The following GIGYF2 variants were observed in gnomAD, a reference collection of about 807,000 sequenced individuals.
The protein encoded by GIGYF2 is GRB10 interacting GYF protein 2.
In GIGYF2, 25 loss-of-function variants were observed where a neutral mutation model predicts 208.1. That is an observed-to-expected ratio of 0.12 (90% CI 0.09 to 0.17). The LOEUF (loss-of-function observed/expected upper bound fraction) is 0.17. Among genes scored for constraint, GIGYF2 ranks in the 10% least tolerant of loss-of-function variants. GIGYF2 has a pLI of 1.00. For missense variants in GIGYF2, 1,302 were observed against 1,579.4 expected, an observed-to-expected ratio of 0.82 and a Z score of 2.98; for synonymous variants, 534 against 543.8, an observed-to-expected ratio of 0.98 and a Z score of 0.25.
At chr2:232,823,332 C>G (rs888527606) in intron 21 of GIGYF2, among the ~76,000 whole-genome samples, 3 of 148,574 alleles carry the variant, frequency 2.0e-5, no homozygotes, top group Admixed American at 2.0e-4. Flanking sequence ...AGAGATAGGT[C>G]TACAATTTTC....
At chr2:232,753,391 TG>T (rs1382817063) in intron 5 of GIGYF2, among the ~76,000 whole-genome samples, 1 of 152,194 alleles carries the variant, frequency 6.6e-6, no homozygotes, top group Non-Finnish European at 1.5e-5. Flanking sequence ...CCCAAAGTGA[TG>T]GGATTACAGG....
At chr2:232,744,546 C>CA (rs1553608263) in intron 3 of GIGYF2, among the ~76,000 whole-genome samples, 2 of 142,800 alleles carry the variant, frequency 1.4e-5, no homozygotes, top group African/African-American at 5.1e-5. Context: ...TTCTTTCTTT[C>CA]TTTTTTTTTT....
At chr2:232,779,861 T>C (rs1574874960) in intron 8 of GIGYF2, among the ~76,000 whole-genome samples, 1 of 152,220 alleles carries the variant, frequency 6.6e-6, no homozygotes, top group African/African-American at 2.4e-5. Flanking sequence ...GAGTTTTGTT[T>C]ATAAGTAATT....
intron 3 of GIGYF2, chr2:232,736,520 C>G (rs1697739708): frequency 6.6e-6 from 1 of 151,970 alleles, no homozygotes. Flanking sequence ...TTTTTTTAAT[C>G]AATAAATATT....
intron 2 of GIGYF2, among the ~76,000 whole-genome samples, chr2:232,727,963 T>TA (rs374105896): frequency 1.9e-3 from 296 of 152,318 alleles, no homozygotes; most frequent in African/African-American, 6.8e-3. Flanking sequence ...ATTTGAAAAA[T>TA]ACCCGCAACA....
At chr2:232,816,573 A>G (rs148437584) in intron 19 of GIGYF2, among the ~76,000 whole-genome samples, 154 of 152,320 alleles carry the variant, frequency 1.0e-3, no homozygotes, top group African/African-American at 3.6e-3. Flanking sequence ...AGTGCATTCA[A>G]TTGAGACAGT....
Position 232,794,816 on chromosome 2 carries a change from C to G in GIGYF2, c.1351C>G (p.Leu451Val), listed in dbSNP as rs758701002. The G allele has an allele frequency of 1.9e-6, 3 of 1,613,830 alleles. No homozygotes were observed. The South Asian group carries it at 3.3e-5, about 18-fold the overall frequency. The stretch of plus-strand genomic sequence containing the variant: ...AGATACAGCCTCTCCTCTTCTCATA[C>G]TTCCACCTCCTGTTCCCAATCCTAG... ...PSDTASPLLI[L>V]PPPVPNPSPT... Residue 451 changes from leucine to valine, a missense_variant, in exon 13 of 29, where the codon CTT (leucine) becomes GTT (valine). Leu to Val is a conservative substitution (Grantham distance 32). Around this residue, in one of 8 missense-constraint regions of GIGYF2, gnomAD observed 235 missense variants for 218.8 expected, o/e 1.07. Transcript: ENST00000373563.
chr2:232,748,992 T>A lies in GIGYF2; in HGVS notation c.177T>A (p.Pro59=), dbSNP rs924924038. 9.1e-6 allele frequency: 14 copies of A among 1,537,258 alleles called. 1 individual carries two copies. The Admixed American group carries it at 1.8e-4, about 20-fold the overall frequency. The change falls in exon 5 of 29, where the codon CCT becomes CCA. Residue 59 remains proline (P), a synonymous_variant. Transcript: ENST00000373563. ...LALFLKDNKI[P]SDLLDKEFLP... ...TCATGTGTTTGGTCCTACAGATACC[T>A]TCAGACCTTCTGGATAAAGAATTTC...
chr2:232,779,499 T>C (rs140959751), intron 8 of GIGYF2, among the ~76,000 whole-genome samples: 5 of 152,344 alleles, frequency 3.3e-5, no homozygotes, highest in Non-Finnish European at 7.3e-5. Context: ...TTTAAAACGT[T>C]AGCTCTGGTC....
At chr2:232,835,980 T>C (rs1701576383) in intron 22 of GIGYF2, among the ~76,000 whole-genome samples, 1 of 151,794 alleles carries the variant, frequency 6.6e-6, no homozygotes, top group Non-Finnish European at 1.5e-5. Flanking sequence ...GAGAATTATA[T>C]CCAAACAGCA....
intron 14 of GIGYF2, among the ~76,000 whole-genome samples, chr2:232,805,907 A>C (rs184901272): frequency 2.6e-5 from 4 of 152,324 alleles, no homozygotes; most frequent in African/African-American, 9.6e-5. Context: ...ATGTTCAGTA[A>C]ATATTTGTTG....
At chr2:232,810,952 C>G (rs770520527) in intron 16 of GIGYF2, 6 of 301,140 alleles carry the variant, frequency 2.0e-5, no homozygotes, top group Non-Finnish European at 3.2e-5. Flanking sequence ...TTTTGACATT[C>G]GTGATTTTAA....
intron 21 of GIGYF2, among the ~76,000 whole-genome samples, chr2:232,823,761 G>T (rs1223047084): frequency 6.6e-6 from 1 of 152,170 alleles, no homozygotes; most frequent in Non-Finnish European, 1.5e-5. Flanking sequence ...GTTTGTGTAA[G>T]ATTGGAATTA....
intron 1 of GIGYF2, among the ~76,000 whole-genome samples, chr2:232,698,063 G>C (rs1003567548): frequency 6.6e-6 from 1 of 152,190 alleles, no homozygotes; most frequent in African/African-American, 2.4e-5. Context: ...GTTCACATCA[G>C]GTTGAAATGG....
At chr2:232,786,056 T>C (rs765323213) in intron 8 of GIGYF2, among the ~76,000 whole-genome samples, 8 of 152,240 alleles carry the variant, frequency 5.3e-5, no homozygotes, top group Non-Finnish European at 8.8e-5. Context: ...TTGCACAATT[T>C]AGAATGATCT....
chr2:232,847,535 GCCGCCA>G lies in GIGYF2; in HGVS notation c.3650_3655del (p.Pro1217_Pro1218del), dbSNP rs752962656. On this transcript the variant is annotated inframe_deletion, in exon 27 of 29. Transcript: ENST00000373563. Reference sequence around the variant, plus strand: ...AGCTGCCACAGCAGCAGCAGCAGCAGCCGCCACAGCAGCCGCCACAGCAGCCACAAC... The same window carrying G: ...AGCTGCCACAGCAGCAGCAGCAGCAGCAGCAGCCGCCACAGCAGCCACAAC... The G allele has an allele frequency of 2.7e-5, 43 of 1,599,240 alleles. 1 individual carries two copies. The highest frequency in any genetic ancestry group is 8.8e-5 in the South Asian group (8 of 90,434).
intron 6 of GIGYF2, 135 bp from the exon 7 acceptor site, chr2:232,760,345 C>G: frequency 2.9e-6 from 2 of 680,990 alleles, no homozygotes; most frequent in East Asian, 5.6e-5. Flanking sequence ...TCAAGATCAT[C>G]AGGCCTCGTT....
chr2:232,721,250 G>T (rs937387713), intron 2 of GIGYF2, among the ~76,000 whole-genome samples: 5 of 152,188 alleles, frequency 3.3e-5, no homozygotes, highest in Non-Finnish European at 7.3e-5. Context: ...TCATTGTCCA[G>T]AATGAAAGTC....
intron 3 of GIGYF2, among the ~76,000 whole-genome samples, chr2:232,747,245 T>C (rs1698181164): frequency 6.6e-6 from 1 of 152,232 alleles, no homozygotes; most frequent in African/African-American, 2.4e-5. Context: ...CACCTGGTAT[T>C]ATCAGACTTA....
Sources: gnomAD v4.1 joint callset for allele counts (sites outside exome capture counted in the v4.1 genomes callset) on GRCh38, gnomAD v4.1.1 for gene constraint, gnomAD v4.1.1 regional missense constraint, MANE v1.5 for transcripts, NCBI Gene and HGNC (gene_info 2026-07-23, HGNC 2026-07-21) for gene names.